Variants in SMIM14 observed in about 807,000 individuals in gnomAD.
The protein encoded by SMIM14 is small integral membrane protein 14, also known as chromosome 4 open reading frame 34.
A neutral mutation model predicts 12.6 loss-of-function variants in SMIM14; 5 were observed. That is an observed-to-expected ratio of 0.40 (90% confidence interval 0.21 to 0.83). The LOEUF is 0.83. Ranked by LOEUF, SMIM14 falls within the 40% of genes least tolerant of loss-of-function variation. The pLI is 0.37. For synonymous variants in SMIM14, 30 were observed against 40.1 expected (o/e 0.75, Z 0.95); for missense variants, 86 against 119.1 (o/e 0.72, Z 1.29).
In SMIM14 at chr4:39,588,426, C is replaced by A. The variant is rs79039961; in HGVS notation, c.76-15963G>T. ...AACTATACATCCTAAATACACAGTTCAAAATTGGTAAGACCAATTGTATTG... is the reference window on the plus strand; with the variant it reads ...AACTATACATCCTAAATACACAGTTAAAAATTGGTAAGACCAATTGTATTG... On this transcript the variant is annotated intron_variant, in intron 2 of 4. Transcript: ENST00000295958. Among the ~76,000 whole-genome samples, 756 of 152,176 alleles carry A rather than the reference C, an allele frequency of 5.0e-3. 5 individuals carry two copies. The highest frequency in any genetic ancestry group is 0.017 in the African/African-American group (711 of 41,528).
intron 2 of SMIM14, among the ~76,000 whole-genome samples, chr4:39,580,974 C>A (rs1385928792): frequency 6.6e-6 from 1 of 152,086 alleles, no homozygotes; most frequent in Non-Finnish European, 1.5e-5. Flanking sequence ...TCATGGCCCA[C>A]AGAATTTTTT....
intron 2 of SMIM14, among the ~76,000 whole-genome samples, chr4:39,589,215 T>C (rs1056395514): frequency 6.6e-6 from 1 of 152,200 alleles, no homozygotes; most frequent in African/African-American, 2.4e-5. Context: ...GCCTCTCAAG[T>C]AGCTGGAATT....
chr4:39,620,548 T>C (rs768914507), intron 1 of SMIM14, among the ~76,000 whole-genome samples: 32 of 152,028 alleles, frequency 2.1e-4, no homozygotes, highest in Non-Finnish European at 3.4e-4. Flanking sequence ...GTTGCCCAGG[T>C]TGGTCGACAT....
intron 2 of SMIM14, among the ~76,000 whole-genome samples, chr4:39,584,219 C>T (rs1303565088): frequency 2.0e-5 from 3 of 151,804 alleles, no homozygotes; most frequent in East Asian, 3.9e-4. Flanking sequence ...CAGTGGCTCA[C>T]ACCTGTAATC....
intron 3 of SMIM14, among the ~76,000 whole-genome samples, chr4:39,570,755 C>T (rs562879144): frequency 6.6e-6 from 1 of 152,216 alleles, no homozygotes; most frequent in East Asian, 1.9e-4. Context: ...CTCCTGGGCT[C>T]AAGTGATCCT....
intron 2 of SMIM14, among the ~76,000 whole-genome samples, chr4:39,591,752 A>G (rs985114132): frequency 2.0e-5 from 3 of 151,926 alleles, no homozygotes; most frequent in African/African-American, 7.3e-5. Context: ...GACTACTACC[A>G]ACAGGGTTTC....
intron 1 of SMIM14, among the ~76,000 whole-genome samples, chr4:39,607,939 T>G (rs1454534515): frequency 1.3e-5 from 2 of 152,168 alleles, no homozygotes; most frequent in African/African-American, 4.8e-5. Flanking sequence ...TTAAAGTCAG[T>G]AATCATTAGG....
intron 3 of SMIM14, among the ~76,000 whole-genome samples, chr4:39,565,518 T>G (rs1002084787): frequency 1.3e-5 from 2 of 152,086 alleles, no homozygotes; most frequent in Non-Finnish European, 2.9e-5. Context: ...GAGACAGGAT[T>G]TCAACATGTT....
intron 1 of SMIM14, among the ~76,000 whole-genome samples, chr4:39,631,620 C>T (rs920254185): frequency 6.6e-6 from 1 of 151,362 alleles, no homozygotes; most frequent in Non-Finnish European, 1.5e-5. Context: ...CATTGCGCCA[C>T]TGCACTCTAG....
At chr4:39,619,638 CAAT>C (rs1715378116) in intron 1 of SMIM14, among the ~76,000 whole-genome samples, 1 of 79,230 alleles carries the variant, frequency 1.3e-5, no homozygotes, top group East Asian at 3.4e-4. Context: ...TTCTATATAT[CAAT>C]AAATATAATT....
intron 1 of SMIM14, among the ~76,000 whole-genome samples, chr4:39,619,667 T>C (rs1715381288): frequency 8.4e-6 from 1 of 118,416 alleles, no homozygotes; most frequent in South Asian, 2.6e-4. Context: ...TATATATCAA[T>C]AAATATAATT....
chr4:39,571,343 C>T (rs1309713183), intron 3 of SMIM14, among the ~76,000 whole-genome samples: 3 of 151,684 alleles, frequency 2.0e-5, no homozygotes, highest in Non-Finnish European at 4.4e-5. Flanking sequence ...TTTGAGAGGC[C>T]GAGGCAGAAG....
intron 1 of SMIM14, among the ~76,000 whole-genome samples, chr4:39,633,073 C>T (rs979275879): frequency 4.6e-5 from 7 of 151,566 alleles, no homozygotes; most frequent in Admixed American, 6.6e-5. Flanking sequence ...ACAGGTGGAT[C>T]ACCTAAGGTC....
At chr4:39,586,676 C>T (rs556646693) in intron 2 of SMIM14, among the ~76,000 whole-genome samples, 1 of 152,222 alleles carries the variant, frequency 6.6e-6, no homozygotes, top group South Asian at 2.1e-4. Context: ...CTTAAAAACT[C>T]TTCCAGCCTA....
chr4:39,552,102 A>G lies in SMIM14; in HGVS notation c.*24T>C. The G allele has an allele frequency of 6.3e-7, 1 of 1,586,106 alleles. No individual in the cohort carries two copies. ...CGTTTGGTCGTGCAAGGTGTTAACTATTTTCACTTCCCATATCACAAAGTT... is the reference window on the plus strand; with the variant it reads ...CGTTTGGTCGTGCAAGGTGTTAACTGTTTTCACTTCCCATATCACAAAGTT... On this transcript the variant is annotated 3_prime_UTR_variant, in exon 5 of 5. Coordinates refer to ENST00000295958, the MANE Select transcript of SMIM14 (RefSeq NM_174921.3).
chr4:39,619,874 A>ATTT (rs1253051297), intron 1 of SMIM14, among the ~76,000 whole-genome samples: 29 of 82,972 alleles, frequency 3.5e-4, no homozygotes, highest in African/African-American at 1.2e-3. Context: ...ATATATATAT[A>ATTT]TATTTTTTTT....
rs1747352773 is a variant in SMIM14 at position 39,546,485 on chromosome 4, G to A, written c.*5641C>T. On this transcript the variant is annotated 3_prime_UTR_variant, in exon 5 of 5. Transcript: ENST00000295958. ...ATCATGAAAGATAATTGTAGTTGGT[G>A]TTTATGGAGCATCTTTTGGAGGGGG... is the stretch of plus-strand genomic sequence containing the variant. 1 of 151,774 alleles carries A rather than the reference G, an allele frequency of 6.6e-6. No homozygotes were observed. Among genetic ancestry groups the A allele is most frequent in the Non-Finnish European group, 1.5e-5 (1 of 67,976 alleles). 9.4% of individuals were successfully genotyped at this position (151,774 alleles called of 1,614,324 possible).
intron 1 of SMIM14, among the ~76,000 whole-genome samples, chr4:39,627,077 T>G (rs1394379972): frequency 6.6e-6 from 1 of 152,184 alleles, no homozygotes; most frequent in East Asian, 1.9e-4. Flanking sequence ...CACTCTCTGG[T>G]TGGTAGATGG....
In SMIM14 at chr4:39,555,198, T is replaced by C. The variant is rs781758743; in HGVS notation, c.267+1230A>G. Among the ~76,000 whole-genome samples the C allele has an allele frequency of 9.9e-4, 151 of 151,798 alleles. 1 individual carries two copies. In the Middle Eastern group the frequency reaches 0.014, roughly 14 times the overall value. Reference sequence around the variant, plus strand: ...AGTGTTAAAAAAAAAACATAAATACTGGTTCTGAAAAGGATTAAAAGGAAT... The same window carrying C: ...AGTGTTAAAAAAAAAACATAAATACCGGTTCTGAAAAGGATTAAAAGGAAT... On this transcript the variant is annotated intron_variant, in intron 4 of 4. Transcript: ENST00000295958.
Sources: allele counts gnomAD v4.1 joint callset (sites outside exome capture counted in the v4.1 genomes callset), GRCh38; gene constraint gnomAD v4.1.1; transcripts MANE v1.5; gene names NCBI Gene and HGNC (gene_info 2026-07-23, HGNC 2026-07-21).